GRID1: variants seen among roughly 807,000 people sequenced by gnomAD.
GRID1 encodes the protein glutamate ionotropic receptor delta type subunit 1.
In GRID1, 28 loss-of-function variants were observed where a neutral mutation model predicts 98.0. The ratio of observed to expected loss-of-function variants is 0.29; its 90% CI spans 0.21 to 0.39. The LOEUF (loss-of-function observed/expected upper bound fraction) is 0.39, where lower values mean the gene tolerates loss of function less well. GRID1 is among the 10% of genes least tolerant of loss of function. The probability of loss-of-function intolerance (pLI) is 1.00; values close to 1 mark genes in which losing one functional copy is unlikely to be tolerated. For synonymous variants in GRID1, 553 were observed against 538.5 expected, an observed-to-expected ratio of 1.03 and a Z score of -0.37; for missense variants, 1,111 against 1,340.5, an observed-to-expected ratio of 0.83 and a Z score of 2.67.
At chr10:85,918,651 A>T (rs1401236371) in intron 4 of GRID1, among the ~76,000 whole-genome samples, 1 of 152,242 alleles carries the variant, frequency 6.6e-6, no homozygotes, top group African/African-American at 2.4e-5. Context: ...GAATTGCTCT[A>T]TGCATCCTCT....
chr10:86,004,981 G>A (rs917059735), intron 4 of GRID1, among the ~76,000 whole-genome samples: 2 of 152,158 alleles, frequency 1.3e-5, no homozygotes, highest in African/African-American at 4.8e-5. Flanking sequence ...GTAAGACTGA[G>A]GCTTAGAGGA....
intron 3 of GRID1, among the ~76,000 whole-genome samples, chr10:86,189,099 C>G (rs1181321399): frequency 1.3e-5 from 2 of 152,166 alleles, no homozygotes; most frequent in Non-Finnish European, 2.9e-5. Context: ...CAGGCACCTG[C>G]TGGCACTTTC....
rs776583630 is a variant in GRID1 at position 85,856,195 on chromosome 10, A to G, written c.952-5T>C. 4 of 1,613,946 alleles carry G rather than the reference A, an allele frequency of 2.5e-6. No individual in the cohort carries two copies. On this transcript the variant is annotated splice_region_variant and splice_polypyrimidine_tract_variant and intron_variant, in intron 6 of 15. Transcript: ENST00000327946. Reference sequence around the variant, plus strand: ...ATACAGATAGAGGTTGGAGATCTGCAAAGACAGAGGCAGTGAAACCCTTTC... The same window carrying G: ...ATACAGATAGAGGTTGGAGATCTGCGAAGACAGAGGCAGTGAAACCCTTTC...
At chr10:85,750,097 A>G (rs754856707) in intron 8 of GRID1, among the ~76,000 whole-genome samples, 1 of 152,210 alleles carries the variant, frequency 6.6e-6, no homozygotes, top group Admixed American at 6.5e-5. Context: ...CAGGCACTCA[A>G]TAAAAATGAA....
intron 4 of GRID1, among the ~76,000 whole-genome samples, chr10:86,027,405 A>C (rs1843129709): frequency 6.6e-6 from 1 of 152,214 alleles, no homozygotes; most frequent in South Asian, 2.1e-4. Flanking sequence ...AGTTTTATCC[A>C]AGCTGTAACA....
intron 6 of GRID1, 77 bp downstream of exon 6, chr10:85,868,933 C>G: frequency 7.8e-7 from 1 of 1,277,984 alleles, no homozygotes; most frequent in Non-Finnish European, 1.1e-6. Context: ...TAGGAGGCCC[C>G]CACATGTCTC....
At chr10:85,759,295 T>C (rs1001802504) in intron 8 of GRID1, among the ~76,000 whole-genome samples, 1 of 152,130 alleles carries the variant, frequency 6.6e-6, no homozygotes, top group African/African-American at 2.4e-5. Context: ...TGATGGACCA[T>C]AGACATTTAC....
At chr10:86,079,848 C>T (rs12358661) in intron 4 of GRID1, among the ~76,000 whole-genome samples, 9,276 of 152,254 alleles carry the variant, frequency 0.061, 323 homozygotes, top group African/African-American at 0.068. Flanking sequence ...CTTCTTTAAG[C>T]GGACGTTATT....
chr10:85,954,250 T>C (rs2131845270), intron 4 of GRID1, among the ~76,000 whole-genome samples: 1 of 152,308 alleles, frequency 6.6e-6, no homozygotes, highest in East Asian at 1.9e-4. Context: ...CAATAGAGGA[T>C]GTTCAATTAA....
intron 8 of GRID1, among the ~76,000 whole-genome samples, chr10:85,770,696 G>A (rs2949382): frequency 0.41 from 62,529 of 152,082 alleles, 14,157 homozygotes; most frequent in East Asian, 0.74. Flanking sequence ...CTCGGGAGCC[G>A]ATGCGATCAA....
At chr10:85,835,501 G>C (rs1842904695) in intron 8 of GRID1, among the ~76,000 whole-genome samples, 1 of 152,146 alleles carries the variant, frequency 6.6e-6, no homozygotes, top group Non-Finnish European at 1.5e-5. Flanking sequence ...AATCTCCCTT[G>C]CTGACCGCCA....
chr10:86,019,146 T>C (rs1466192408), intron 4 of GRID1, among the ~76,000 whole-genome samples: 3 of 152,224 alleles, frequency 2.0e-5, no homozygotes, highest in African/African-American at 7.2e-5. Flanking sequence ...CAGCTTGAAC[T>C]AGAGGCCTAG....
At chr10:85,822,042 T>C (rs1255009733) in intron 8 of GRID1, among the ~76,000 whole-genome samples, 3 of 152,182 alleles carry the variant, frequency 2.0e-5, no homozygotes, top group Non-Finnish European at 4.4e-5. Flanking sequence ...TAATTCAAGA[T>C]GGATCAAAGA....
At chr10:85,865,928 T>TATATATATATATAC in intron 6 of GRID1, among the ~76,000 whole-genome samples, 1 of 114,196 alleles carries the variant, frequency 8.8e-6, no homozygotes, top group Non-Finnish European at 1.7e-5. Context: ...TATATATATA[T>TATATATATATATAC]ATATATATAT....
At chr10:85,692,611 G>A (rs1010257931) in intron 12 of GRID1, among the ~76,000 whole-genome samples, 1 of 149,730 alleles carries the variant, frequency 6.7e-6, no homozygotes, top group African/African-American at 2.5e-5. Context: ...AGGTTGCAGT[G>A]AGCCAAGATT....
At chr10:86,284,765 G>A (rs978252755) in intron 2 of GRID1, among the ~76,000 whole-genome samples, 8 of 152,224 alleles carry the variant, frequency 5.3e-5, no homozygotes, top group Non-Finnish European at 7.3e-5. Flanking sequence ...CCACTGTCAG[G>A]AGCCAAAATC....
At chr10:85,738,405 C>T (rs894631621) in intron 8 of GRID1, among the ~76,000 whole-genome samples, 1 of 152,142 alleles carries the variant, frequency 6.6e-6, no homozygotes, top group Non-Finnish European at 1.5e-5. Context: ...GAGAATCTGG[C>T]AGGCAAAATC....
chr10:85,870,139 T>G (rs1843263501), intron 5 of GRID1, among the ~76,000 whole-genome samples: 1 of 152,190 alleles, frequency 6.6e-6, no homozygotes, highest in Non-Finnish European at 1.5e-5. Context: ...CCGCCCTCAA[T>G]CTCAGTGGGC....
At chr10:85,958,437 T>A (rs933962968) in intron 4 of GRID1, among the ~76,000 whole-genome samples, 17 of 152,154 alleles carry the variant, frequency 1.1e-4, no homozygotes, top group African/African-American at 4.1e-4. Flanking sequence ...GTCCAGACAT[T>A]TGGCTGAATA....
Sources: gnomAD v4.1 joint callset for allele counts (sites outside exome capture counted in the v4.1 genomes callset) on GRCh38, gnomAD v4.1.1 for gene constraint, MANE v1.5 for transcripts, NCBI Gene and HGNC (gene_info 2026-07-23, HGNC 2026-07-21) for gene names.